ZBTB38: variants seen among roughly 807,000 people sequenced by gnomAD.
ZBTB38 encodes zinc finger and BTB domain-containing protein 38.
ZBTB38 carries 20 observed loss-of-function variants against 76.8 expected under a neutral mutation model. That is an observed-to-expected ratio of 0.26 (90% CI 0.18 to 0.38). ZBTB38 has a LOEUF of 0.38. ZBTB38 is among the 10% of genes least tolerant of loss of function. The probability of loss-of-function intolerance (pLI) is 1.00; values close to 1 mark genes in which losing one functional copy is unlikely to be tolerated. For missense variants in ZBTB38, 1,082 were observed against 1,482.3 expected, an observed-to-expected ratio of 0.73 and a Z score of 4.43; for synonymous variants, 504 against 544.2, an observed-to-expected ratio of 0.93 and a Z score of 1.03.
At chr3:141,352,415 G>A (rs1943543941) in intron 1 of ZBTB38, among the ~76,000 whole-genome samples, 1 of 152,048 alleles carries the variant, frequency 6.6e-6, no homozygotes, top group Non-Finnish European at 1.5e-5. Flanking sequence ...GTTGTAGAAG[G>A]GGTAAGATTC....
intron 3 of ZBTB38, among the ~76,000 whole-genome samples, chr3:141,382,483 A>AG (rs1946340388): frequency 6.6e-6 from 1 of 152,164 alleles, no homozygotes; most frequent in South Asian, 2.1e-4. Context: ...CACCTGTGAG[A>AG]GGGAAAAAAC....
chr3:141,366,402 G>A (rs753547609), upstream of ZBTB38: 2 of 152,216 alleles, frequency 1.3e-5, no homozygotes, highest in Non-Finnish European at 2.9e-5. Context: ...GAATAAACAA[G>A]TCTTCTGCCA....
chr3:141,364,676 T>TAAAAAAAAAAAA (rs59398877), upstream of ZBTB38, among the ~76,000 whole-genome samples: 2 of 43,440 alleles, frequency 4.6e-5, no homozygotes, highest in African/African-American at 5.8e-5. Context: ...AAACTACATC[T>TAAAAAAAAAAAA]AAAAAAAAAA....
chr3:141,340,949 G>GAAA (rs1943165885), intron 1 of ZBTB38, among the ~76,000 whole-genome samples: 6 of 111,926 alleles, frequency 5.4e-5, no homozygotes, highest in East Asian at 2.4e-4. Context: ...AAAGAAAGAA[G>GAAA]GAAAGAAAGA....
chr3:141,399,295 T>C (rs1345257599), intron 4 of ZBTB38, among the ~76,000 whole-genome samples: 1 of 152,206 alleles, frequency 6.6e-6, no homozygotes, highest in Non-Finnish European at 1.5e-5. Flanking sequence ...TAGGTGGGAC[T>C]TGAATTCTCC....
chr3:141,355,963 C>A (rs1434359739), intron 1 of ZBTB38, among the ~76,000 whole-genome samples: 1 of 152,072 alleles, frequency 6.6e-6, no homozygotes, highest in Non-Finnish European at 1.5e-5. Flanking sequence ...GAAGAAATTC[C>A]CTTATCATGC....
intron 2 of ZBTB38, among the ~76,000 whole-genome samples, chr3:141,375,731 G>A (rs750672778): frequency 9.2e-5 from 14 of 152,236 alleles, no homozygotes; most frequent in Non-Finnish European, 1.8e-4. Flanking sequence ...TCAAGGCAGG[G>A]ATGAGTTGAA....
intron 3 of ZBTB38, among the ~76,000 whole-genome samples, chr3:141,385,677 T>TGC (rs911000082): frequency 4.6e-5 from 7 of 150,950 alleles, no homozygotes; most frequent in African/African-American, 1.7e-4. Context: ...TGTGTGTGTG[T>TGC]GTGCGCGTGT....
Position 141,442,275 on chromosome 3 carries a change from A to G in ZBTB38, c.1-114A>G, listed in dbSNP as rs1207404115. ...CTCGGGAGCATCAACAGAATGAGAT[A>G]AAAACCTGAAGTTTCATACAAAAGA... On this transcript the variant is annotated intron_variant, in intron 5 of 5. Coordinates refer to ENST00000321464, the MANE Select transcript of ZBTB38 (RefSeq NM_001376113.1). The surrounding 1 kb of genome is among the most constrained non-coding windows in gnomAD (Gnocchi z 6.4). 27 of 778,484 alleles carry G rather than the reference A, an allele frequency of 3.5e-5. No homozygotes were observed. Among genetic ancestry groups the G allele is most frequent in the Non-Finnish European group, 4.9e-5 (24 of 485,428 alleles). 48.2% of individuals were successfully genotyped at this position (778,484 alleles called of 1,614,324 possible). A position where few individuals can be genotyped will look rare whatever the true frequency, so the allele number is the denominator to read the frequency against.
At chr3:141,416,919 A>G (rs1282552220) in intron 5 of ZBTB38, among the ~76,000 whole-genome samples, 1 of 152,180 alleles carries the variant, frequency 6.6e-6, no homozygotes, top group Non-Finnish European at 1.5e-5. Context: ...TTGATTTTGG[A>G]CATCTGGCTT....
intron 4 of ZBTB38, among the ~76,000 whole-genome samples, chr3:141,396,865 T>C (rs1245733819): frequency 6.6e-6 from 1 of 152,236 alleles, no homozygotes; most frequent in Non-Finnish European, 1.5e-5. Flanking sequence ...AAATATTCAC[T>C]AAACTAGATC....
At chr3:141,360,374 A>C (rs920426556) in intron 1 of ZBTB38, among the ~76,000 whole-genome samples, 2 of 152,208 alleles carry the variant, frequency 1.3e-5, no homozygotes, top group African/African-American at 4.8e-5. Context: ...GAACGTCTTA[A>C]GCTTTGCCAT....
intron 5 of ZBTB38, among the ~76,000 whole-genome samples, chr3:141,418,264 C>T (rs1454843813): frequency 6.6e-6 from 1 of 152,258 alleles, no homozygotes; most frequent in Non-Finnish European, 1.5e-5. Flanking sequence ...CTGCACATGC[C>T]TGTGGGGCAG....
chr3:141,414,685 A>C (rs1232606606), intron 5 of ZBTB38, among the ~76,000 whole-genome samples: 1 of 152,232 alleles, frequency 6.6e-6, no homozygotes, highest in Non-Finnish European at 1.5e-5. Context: ...GTCTTAAGGC[A>C]GCCAGATGGA....
upstream of ZBTB38, chr3:141,366,888 T>A (rs1943991410): frequency 6.6e-6 from 1 of 152,206 alleles, no homozygotes; most frequent in South Asian, 2.1e-4. Context: ...CGTAGGTCAT[T>A]CTTATGCTGG....
intron 3 of ZBTB38, chr3:141,386,201 T>C (rs1310769307): frequency 6.6e-6 from 1 of 152,224 alleles, no homozygotes; most frequent in East Asian, 1.9e-4. Context: ...TAAGTCTTAG[T>C]ATTATTTAGG....
At chr3:141,346,782 T>TTTTGTGTGTGTG (rs150173767) in intron 1 of ZBTB38, among the ~76,000 whole-genome samples, 1,530 of 144,640 alleles carry the variant, frequency 0.011, 11 homozygotes, top group Non-Finnish European at 0.018. Context: ...TTGTTTTGTT[T>TTTTGTGTGTGTG]TGTGTGTGTG....
chr3:141,357,337 T>C (rs886570147), intron 1 of ZBTB38, among the ~76,000 whole-genome samples: 5 of 152,252 alleles, frequency 3.3e-5, no homozygotes, highest in Non-Finnish European at 7.3e-5. Flanking sequence ...GTCATTTGTC[T>C]TTCAACAGTG....
At chr3:141,403,561 A>G (rs1235890850) in intron 4 of ZBTB38, among the ~76,000 whole-genome samples, 1 of 152,262 alleles carries the variant, frequency 6.6e-6, no homozygotes, top group Non-Finnish European at 1.5e-5. Context: ...GGTTTATATA[A>G]TGTAAATTTT....
Sources: allele counts gnomAD v4.1 joint callset (sites outside exome capture counted in the v4.1 genomes callset), GRCh38; gene constraint gnomAD v4.1.1; non-coding constraint Gnocchi (gnomAD v3.1); transcripts MANE v1.5; gene names NCBI Gene and HGNC (gene_info 2026-07-23, HGNC 2026-07-21).